HOMEZ: variants seen among roughly 807,000 people sequenced by gnomAD.
The protein encoded by HOMEZ is homeobox and leucine zipper encoding.
Under a neutral mutation model 50.1 loss-of-function variants are expected in HOMEZ, and 20 were observed. The ratio of observed to expected loss-of-function variants is 0.40; its 90% CI spans 0.28 to 0.58. The LOEUF (loss-of-function observed/expected upper bound fraction) is 0.58. Ranked by LOEUF, HOMEZ falls within the 20% of genes least tolerant of loss-of-function variation. HOMEZ has a pLI of 0.46. For synonymous variants in HOMEZ, 239 were observed against 254.7 expected (o/e 0.94, Z 0.59); for missense variants, 579 against 680.5 (o/e 0.85, Z 1.66).
At chr14:23,279,173 G>A (rs1468909826) in intron 1 of HOMEZ, among the ~76,000 whole-genome samples, 3 of 152,120 alleles carry the variant, frequency 2.0e-5, no homozygotes, top group African/African-American at 7.2e-5. Flanking sequence ...TAGTAGAGAC[G>A]AAGTTTCACT....
chr14:23,279,156 G>A (rs1886432999), intron 1 of HOMEZ, among the ~76,000 whole-genome samples: 1 of 152,214 alleles, frequency 6.6e-6, no homozygotes, highest in South Asian at 2.1e-4. Flanking sequence ...GCTAATTTTT[G>A]TACTTTTAGT....
chr14:23,275,975 C>A lies in HOMEZ; in HGVS notation c.1253G>T (p.Trp418Leu). ...RYALKHGQLKWFRDNAVPGAP... is the reference protein window; with the variant it reads ...RYALKHGQLKLFRDNAVPGAP... ...ACCAGGTACTGCGTTGTCCCGAAACCACTTTAGTTGCCCATGCTTCAAGGC... is the reference window on the plus strand; with the variant it reads ...ACCAGGTACTGCGTTGTCCCGAAACAACTTTAGTTGCCCATGCTTCAAGGC... Residue 418 changes from tryptophan to leucine, a missense_variant, in exon 2 of 2, where the codon TGG (tryptophan) becomes TTG (leucine). Transcript: ENST00000357460. 6.2e-7 allele frequency: 1 copy of A among 1,613,120 alleles called. No individual in the cohort carries two copies. The highest frequency in any genetic ancestry group is 8.5e-7 in the Non-Finnish European group (1 of 1,179,498).
At chr14:23,277,791 C>G (rs939978949) in intron 1 of HOMEZ, among the ~76,000 whole-genome samples, 1 of 150,712 alleles carries the variant, frequency 6.6e-6, no homozygotes, top group Non-Finnish European at 1.5e-5. Flanking sequence ...AAAACTGATC[C>G]TGATATAGCT....
In HOMEZ at chr14:23,281,505, C is replaced by T. The variant is rs186854442; in HGVS notation, c.41-4318G>A. On this transcript the variant is annotated intron_variant, in intron 1 of 1. Coordinates refer to ENST00000357460, the MANE Select transcript of HOMEZ (RefSeq NM_020834.3). Reference sequence around the variant, plus strand: ...CAAAGTGAAGACAGTGCAGAGAGTACGTAAGAGTACTACGTGCTAGGTGTT... The same window carrying T: ...CAAAGTGAAGACAGTGCAGAGAGTATGTAAGAGTACTACGTGCTAGGTGTT... Among the ~76,000 whole-genome samples the T allele has an allele frequency of 5.7e-3, 874 of 152,118 alleles. 4 individuals carry two copies. Among genetic ancestry groups the T allele is most frequent in the Non-Finnish European group, 9.6e-3 (656 of 68,004 alleles).
chr14:23,275,617 TTCC>T lies in HOMEZ; in HGVS notation c.1608_1610del (p.Glu537del), dbSNP rs35076736. The T allele has an allele frequency of 0.37, 510,628 of 1,370,628 alleles. 84,001 individuals are homozygous for T. Among genetic ancestry groups the T allele is most frequent in the South Asian group, 0.41 (30,190 of 74,064 alleles). The allele number at this position is 1,370,628 out of a possible 1,614,324, so 84.9% of individuals were successfully genotyped here. ...CATCATCATCATCATCATCATCATC[TTCC>T]TCCTCCTCCTCCTCCTCTTCCTCAT... On this transcript the variant is annotated inframe_deletion, in exon 2 of 2. Coordinates refer to ENST00000357460, the MANE Select transcript of HOMEZ (RefSeq NM_020834.3).
intron 1 of HOMEZ, among the ~76,000 whole-genome samples, chr14:23,282,436 T>C (rs752646064): frequency 6.6e-5 from 10 of 152,204 alleles, no homozygotes; most frequent in South Asian, 4.1e-4. Context: ...TCCAGGTTCA[T>C]CCAGGACACA....
chr14:23,283,148 G>A (rs1886592521), intron 1 of HOMEZ, among the ~76,000 whole-genome samples: 1 of 152,202 alleles, frequency 6.6e-6, no homozygotes, highest in Admixed American at 6.5e-5. Flanking sequence ...GGTAGTGGTG[G>A]TGGTGGTGGT....
At chr14:23,282,998 A>G (rs1007575609) in intron 1 of HOMEZ, among the ~76,000 whole-genome samples, 1 of 152,236 alleles carries the variant, frequency 6.6e-6, no homozygotes, top group East Asian at 1.9e-4. Flanking sequence ...CATGAGAATT[A>G]TAACAGGTAG....
rs1886349144 is a variant in HOMEZ at position 23,276,148 on chromosome 14, G to T, written c.1080C>A (p.Thr360=). 6.2e-7 allele frequency: 1 copy of T among 1,613,898 alleles called. No homozygotes were observed. The highest frequency in any genetic ancestry group is 8.5e-7 in the Non-Finnish European group (1 of 1,179,828). The change falls in exon 2 of 2, where the codon ACC becomes ACA. Residue 360 remains threonine, a synonymous_variant. Coordinates refer to ENST00000357460, the MANE Select transcript of HOMEZ (RefSeq NM_020834.3). This position sits in a 1 kb window ranked among gnomAD's most constrained non-coding sequence, Gnocchi z 4.1. ...LSPDMQRQRK[T]KRKTKEQLAI... is the part of the protein sequence containing the mutation. ...CCAGCTGCTCTTTGGTTTTGCGCTTGGTCTTTCGCTGGCGTTGCATATCTG... is the reference window on the plus strand; with the variant it reads ...CCAGCTGCTCTTTGGTTTTGCGCTTTGTCTTTCGCTGGCGTTGCATATCTG...
intron 1 of HOMEZ, among the ~76,000 whole-genome samples, chr14:23,280,150 A>C (rs1353793003): frequency 1.3e-5 from 2 of 151,574 alleles, no homozygotes; most frequent in African/African-American, 2.4e-5. Context: ...TGATAGCTTT[A>C]TTTTTTCCAT....
At chr14:23,282,972 C>T (rs1051734304) in intron 1 of HOMEZ, among the ~76,000 whole-genome samples, 1 of 152,092 alleles carries the variant, frequency 6.6e-6, no homozygotes, top group African/African-American at 2.4e-5. Flanking sequence ...AAGAGAAAAC[C>T]ACAACCAGAA....
chr14:23,277,582 C>CA (rs1254036353), intron 1 of HOMEZ, among the ~76,000 whole-genome samples: 4 of 151,936 alleles, frequency 2.6e-5, no homozygotes, highest in African/African-American at 9.7e-5. Context: ...AGTGAGACTA[C>CA]AAAAAATTTA....
intron 1 of HOMEZ, among the ~76,000 whole-genome samples, chr14:23,283,070 G>A (rs1199886236): frequency 6.6e-6 from 1 of 152,204 alleles, no homozygotes; most frequent in African/African-American, 2.4e-5. Flanking sequence ...GTTCTTGTGT[G>A]TCCATTTTGG....
Position 23,273,111 on chromosome 14 carries a change from C to A in HOMEZ, c.*2464G>T. On this transcript the variant is annotated 3_prime_UTR_variant, in exon 2 of 2. Coordinates refer to ENST00000357460, the MANE Select transcript of HOMEZ (RefSeq NM_020834.3). ...TAGTGCTTCAGGAAGATGTTTATAT[C>A]TCTTCCAGAAGACACTGGTAGCTCC... 2.6e-6 allele frequency: 1 copy of A among 385,736 alleles called. No homozygotes were observed. Among genetic ancestry groups the A allele is most frequent in the Non-Finnish European group, 4.6e-6 (1 of 215,670 alleles). 23.9% of individuals were successfully genotyped at this position (385,736 alleles called of 1,614,324 possible). A position where few individuals can be genotyped will look rare whatever the true frequency, so the allele number is the denominator to read the frequency against.
At position 23,276,364 on chromosome 14, in the gene HOMEZ, G is replaced by A; in HGVS notation, c.864C>T (p.Thr288=). Residue 288 remains threonine, a synonymous_variant, in exon 2 of 2, where the codon ACC becomes ACT. Transcript: ENST00000357460. The surrounding 1 kb of genome is among the most constrained non-coding windows in gnomAD (Gnocchi z 4.1). ...ASSVTPSSSS[T]SSSFQVLANG... ...TAGCCAGTACCTGGAAAGAAGAAGAGGTAGAGGAAGAAGAGGGAGTAACAC... is the reference window on the plus strand; with the variant it reads ...TAGCCAGTACCTGGAAAGAAGAAGAAGTAGAGGAAGAAGAGGGAGTAACAC... 6.2e-7 allele frequency: 1 copy of A among 1,613,970 alleles called. No homozygotes were observed. The highest frequency in any genetic ancestry group is 8.5e-7 in the Non-Finnish European group (1 of 1,179,882).
At chr14:23,280,753 ATT>A (rs533102365) in intron 1 of HOMEZ, among the ~76,000 whole-genome samples, 16 of 77,556 alleles carry the variant, frequency 2.1e-4, no homozygotes, top group East Asian at 8.1e-4. Context: ...ATTTTATTTT[ATT>A]TTATTTTATT....
In HOMEZ at chr14:23,277,128, G is replaced by C. The variant is rs1204487574; in HGVS notation, c.100C>G (p.Leu34Val). Residue 34 changes from leucine to valine, a missense_variant, in exon 2 of 2, where the codon CTC becomes GTC. Physicochemically the swap from Leu to Val is conservative, Grantham distance 32. Coordinates refer to ENST00000357460, the MANE Select transcript of HOMEZ (RefSeq NM_020834.3). ...TMPPNKEASG[L>V]SSSPAGLICL... is the part of the protein sequence containing the mutation. ...ATGAGCCCCGCTGGTGAACTACTGA[G>C]ACCGCTGGCCTCTTTATTAGGAGGC... The C allele has an allele frequency of 6.2e-7, 1 of 1,613,140 alleles. No individual in the cohort carries two copies. Among genetic ancestry groups the C allele is most frequent in the South Asian group, 1.1e-5 (1 of 91,026 alleles).
At position 23,286,063 on chromosome 14, in the gene HOMEZ, C is replaced by G. The variant is rs1322257341; in HGVS notation, c.-111G>C. On this transcript the variant is annotated 5_prime_UTR_variant, in exon 1 of 2. Transcript: ENST00000357460. ...CAGCGATGGCCGAAACCGGGACTGC[C>G]CCCCCCACCGTCCCCGGGAGCGCGC... 1.6e-6 allele frequency: 2 copies of G among 1,231,002 alleles called. No homozygotes were observed. The highest frequency in any genetic ancestry group is 4.1e-5 in the South Asian group (1 of 24,294). The allele number at this position is 1,231,002 out of a possible 1,614,324, so 76.3% of individuals were successfully genotyped here. A position where few individuals can be genotyped will look rare whatever the true frequency, so the allele number is the denominator to read the frequency against.
chr14:23,286,089 C>G lies in HOMEZ; in HGVS notation c.-137G>C. ...CCCCCCACCGTCCCCGGGAGCGCGC[C>G]GGTCTACCCAGCCCTGCTCGAGCAA... On this transcript the variant is annotated 5_prime_UTR_variant, in exon 1 of 2. Coordinates refer to ENST00000357460, the MANE Select transcript of HOMEZ (RefSeq NM_020834.3). The G allele has an allele frequency of 8.1e-7, 1 of 1,230,314 alleles. No homozygotes were observed. The highest frequency in any genetic ancestry group is 1.0e-6 in the Non-Finnish European group (1 of 987,010). The allele number at this position is 1,230,314 out of a possible 1,614,324, so 76.2% of individuals were successfully genotyped here. A position where few individuals can be genotyped will look rare whatever the true frequency, so the allele number is the denominator to read the frequency against.
Sources: allele counts gnomAD v4.1 joint callset (sites outside exome capture counted in the v4.1 genomes callset), GRCh38; gene constraint gnomAD v4.1.1; non-coding constraint Gnocchi (gnomAD v3.1); transcripts MANE v1.5; gene names NCBI Gene and HGNC (gene_info 2026-07-23, HGNC 2026-07-21).